The following ZNF385B variants were observed in gnomAD, a reference collection of about 807,000 sequenced individuals.
ZNF385B encodes the protein zinc finger protein 533.
ZNF385B carries 23 observed loss-of-function variants against 39.2 expected under a neutral mutation model. The observed-to-expected ratio is 0.59, with a 90% confidence interval of 0.42 to 0.83. The LOEUF (loss-of-function observed/expected upper bound fraction) is 0.83. Ranked by LOEUF, ZNF385B falls within the 40% of genes least tolerant of loss-of-function variation. The probability of loss-of-function intolerance (pLI) is 0.00; values close to 1 mark genes in which losing one functional copy is unlikely to be tolerated. For missense variants in ZNF385B, 552 were observed against 598.9 expected (o/e 0.92, Z 0.82); for synonymous variants, 205 against 222.6 (o/e 0.92, Z 0.70).
chr2:179,516,936 T>TC (rs1460394500), intron 5 of ZNF385B, among the ~76,000 whole-genome samples: 1 of 151,924 alleles, frequency 6.6e-6, no homozygotes, highest in African/African-American at 2.4e-5. Context: ...CAGGTAGTAG[T>TC]CAAGGCGTTT....
At chr2:179,798,549 A>G (rs1185671648) in intron 1 of ZNF385B, among the ~76,000 whole-genome samples, 1 of 152,152 alleles carries the variant, frequency 6.6e-6, no homozygotes, top group Non-Finnish European at 1.5e-5. Context: ...CCAATGCCCA[A>G]AATTCCAGTA....
intron 3 of ZNF385B, among the ~76,000 whole-genome samples, chr2:179,686,010 T>C (rs745973714): frequency 6.6e-6 from 1 of 152,214 alleles, no homozygotes; most frequent in African/African-American, 2.4e-5. Context: ...CTCTCTATTT[T>C]CCCTTCTTCC....
intron 3 of ZNF385B, among the ~76,000 whole-genome samples, chr2:179,585,152 C>T (rs1004162850): frequency 6.6e-6 from 1 of 152,136 alleles, no homozygotes; most frequent in African/African-American, 2.4e-5. Context: ...ACCTTCAAGA[C>T]ATTTGGCAGA....
intron 4 of ZNF385B, among the ~76,000 whole-genome samples, chr2:179,523,394 C>A (rs1574597026): frequency 2.3e-5 from 3 of 127,912 alleles, no homozygotes; most frequent in African/African-American, 3.0e-5. Flanking sequence ...TCTGGGTAAA[C>A]CAAAAAGTAA....
chr2:179,771,848 A>G (rs888745379), intron 1 of ZNF385B, among the ~76,000 whole-genome samples: 2 of 152,226 alleles, frequency 1.3e-5, no homozygotes, highest in African/African-American at 4.8e-5. Flanking sequence ...AAACTAATCC[A>G]CTGTGAAACA....
chr2:179,831,492 G>GA (rs201404527), intron 1 of ZNF385B, among the ~76,000 whole-genome samples: 237 of 126,822 alleles, frequency 1.9e-3, no homozygotes, highest in African/African-American at 3.9e-3. Flanking sequence ...AAGTTGCTTT[G>GA]AAAAAAAAAA....
rs77494557 is a variant in ZNF385B at position 179,654,574 on chromosome 2, G to A, written c.299-109605C>T. ...TGTCTTAACTAAAATAAATAGGAAT[G>A]AAGAATACCATATTAATTCTTCATG... is the stretch of plus-strand genomic sequence containing the variant. On this transcript the variant is annotated intron_variant, in intron 3 of 9. Coordinates refer to ENST00000410066, the MANE Select transcript of ZNF385B (RefSeq NM_152520.6). Among the ~76,000 whole-genome samples the A allele has an allele frequency of 8.3e-3, 1,265 of 152,262 alleles. 23 individuals carry two copies. The highest frequency in any genetic ancestry group is 0.029 in the African/African-American group (1,219 of 41,550).
chr2:179,854,566 C>T (rs1559254022), intron 1 of ZNF385B, among the ~76,000 whole-genome samples: 1 of 152,150 alleles, frequency 6.6e-6, no homozygotes. Flanking sequence ...TGAGCCCTGG[C>T]TTGAAATCAG....
At chr2:179,586,682 A>G (rs1245428287) in intron 3 of ZNF385B, among the ~76,000 whole-genome samples, 3 of 152,218 alleles carry the variant, frequency 2.0e-5, no homozygotes. Flanking sequence ...TTAAGTAAAT[A>G]TTTAATGAGG....
At chr2:179,568,325 T>C (rs1684826269) in intron 3 of ZNF385B, among the ~76,000 whole-genome samples, 1 of 152,222 alleles carries the variant, frequency 6.6e-6, no homozygotes, top group African/African-American at 2.4e-5. Flanking sequence ...GTCTCTAAAA[T>C]GATCATGTTT....
intron 3 of ZNF385B, among the ~76,000 whole-genome samples, chr2:179,695,988 G>A (rs532528881): frequency 2.6e-5 from 4 of 152,198 alleles, no homozygotes; most frequent in Non-Finnish European, 4.4e-5. Flanking sequence ...AAAGCCTTAC[G>A]CTAAATGAAA....
intron 1 of ZNF385B, among the ~76,000 whole-genome samples, chr2:179,850,022 C>T (rs1476789629): frequency 2.0e-5 from 3 of 152,128 alleles, no homozygotes; most frequent in African/African-American, 7.2e-5. Flanking sequence ...AGAGGGAACA[C>T]ACTGGGATCT....
intron 1 of ZNF385B, among the ~76,000 whole-genome samples, chr2:179,831,492 GAAA>G (rs201404527): frequency 7.9e-6 from 1 of 126,976 alleles, no homozygotes. Flanking sequence ...AAGTTGCTTT[GAAA>G]AAAAAAAAAA....
chr2:179,650,900 T>C (rs1693137130), intron 3 of ZNF385B, among the ~76,000 whole-genome samples: 1 of 152,154 alleles, frequency 6.6e-6, no homozygotes, highest in Non-Finnish European at 1.5e-5. Flanking sequence ...CACTAGACAA[T>C]TGATACAATC....
chr2:179,643,842 T>A (rs577572962), intron 3 of ZNF385B, among the ~76,000 whole-genome samples: 40 of 152,196 alleles, frequency 2.6e-4, no homozygotes, highest in African/African-American at 9.4e-4. Context: ...AAACTCCTAG[T>A]TCAAAAAAGT....
chr2:179,620,037 CAG>C (rs904393366), intron 3 of ZNF385B, among the ~76,000 whole-genome samples: 17 of 152,268 alleles, frequency 1.1e-4, no homozygotes, highest in South Asian at 2.1e-4. Flanking sequence ...TAAATATTGA[CAG>C]AGTCACAGGC....
Position 179,594,565 on chromosome 2 carries a change from G to GCAAA in ZNF385B, c.299-49600_299-49597dup, listed in dbSNP as rs1477558752. On this transcript the variant is annotated intron_variant, in intron 3 of 9. Coordinates refer to ENST00000410066, the MANE Select transcript of ZNF385B (RefSeq NM_152520.6). ...ATACCCTAACATATGACTTGAGCCA[G>GCAAA]CAAATGGCACTTGGCCTAAGGTTGA... 2.0e-5 allele frequency among the ~76,000 whole-genome samples: 3 copies of GCAAA among 152,294 alleles called. No homozygotes were observed. In the East Asian group the frequency reaches 5.8e-4, roughly 29 times the overall value.
chr2:179,663,985 G>T (rs1344301967), intron 3 of ZNF385B, among the ~76,000 whole-genome samples: 1 of 151,338 alleles, frequency 6.6e-6, no homozygotes, highest in Non-Finnish European at 1.5e-5. Flanking sequence ...TTAAACTAAA[G>T]TTTTTCTGTA....
intron 6 of ZNF385B, among the ~76,000 whole-genome samples, chr2:179,481,876 A>G (rs373654099): frequency 6.6e-6 from 1 of 152,316 alleles, no homozygotes; most frequent in East Asian, 1.9e-4. Context: ...CCAGTTTGCA[A>G]TTTTGAAAAA....
Sources: gnomAD v4.1 joint callset for allele counts (sites outside exome capture counted in the v4.1 genomes callset) on GRCh38, gnomAD v4.1.1 for gene constraint, MANE v1.5 for transcripts, NCBI Gene and HGNC (gene_info 2026-07-23, HGNC 2026-07-21) for gene names.